NDEL1: variants seen among roughly 807,000 people sequenced by gnomAD.
The protein encoded by NDEL1 is nuclear distribution protein nudE-like 1.
NDEL1 carries 9 observed loss-of-function variants against 45.7 expected under a neutral mutation model. The ratio of observed to expected loss-of-function variants is 0.20; its 90% CI spans 0.12 to 0.34. The LOEUF (loss-of-function observed/expected upper bound fraction) is 0.34, where lower values mean the gene tolerates loss of function less well. Ranked by LOEUF, NDEL1 falls within the 10% of genes least tolerant of loss-of-function variation. NDEL1 has a pLI of 1.00. For missense variants in NDEL1, 306 were observed against 406.2 expected (o/e 0.75, Z 2.12); for synonymous variants, 133 against 158.6 (o/e 0.84, Z 1.21).
intron 1 of NDEL1, among the ~76,000 whole-genome samples, chr17:8,428,949 A>T (rs1305222491): frequency 2.0e-5 from 3 of 152,180 alleles, no homozygotes; most frequent in Non-Finnish European, 2.9e-5. Context: ...CTGGGATTAC[A>T]GGCATGAGCC....
At chr17:8,460,221 G>A (rs2151736594) in intron 8 of NDEL1, 61 bp downstream of exon 8, 2 of 1,532,806 alleles carry the variant, frequency 1.3e-6, no homozygotes, top group East Asian at 2.3e-5. Flanking sequence ...GTTAGTAAGT[G>A]AGCATAATGA....
intron 8 of NDEL1, among the ~76,000 whole-genome samples, chr17:8,460,964 G>A (rs1013930932): frequency 2.6e-5 from 4 of 151,990 alleles, no homozygotes; most frequent in African/African-American, 9.7e-5. Flanking sequence ...ATGGTAATAC[G>A]TGGTTGTATG....
intron 1 of NDEL1, among the ~76,000 whole-genome samples, chr17:8,429,295 A>G (rs1908945057): frequency 6.6e-6 from 1 of 152,328 alleles, no homozygotes; most frequent in African/African-American, 2.4e-5. Context: ...AGCATATTAA[A>G]TGAGTGTTTG....
At chr17:8,421,884 A>G (rs1908715938) in intron 1 of NDEL1, among the ~76,000 whole-genome samples, 1 of 152,172 alleles carries the variant, frequency 6.6e-6, no homozygotes, top group Non-Finnish European at 1.5e-5. Flanking sequence ...CTCCACCGGG[A>G]TGGTGCTTGG....
At chr17:8,452,740 C>CTTTTTTTTTTTTTTTTTTTTTCTTTT in intron 6 of NDEL1, among the ~76,000 whole-genome samples, 1 of 95,594 alleles carries the variant, frequency 1.0e-5, no homozygotes, top group Non-Finnish European at 2.0e-5. Flanking sequence ...TTTTTCTTCT[C>CTTTTTTTTTTTTTTTTTTTTTCTTTT]TTTTTTTTTT....
At chr17:8,423,685 AAAAC>A (rs536341797) in intron 1 of NDEL1, among the ~76,000 whole-genome samples, 2 of 152,164 alleles carry the variant, frequency 1.3e-5, no homozygotes, top group Admixed American at 6.5e-5. Flanking sequence ...CTCTGTCTCA[AAAAC>A]AAACAAACAA....
chr17:8,434,324 C>T (rs781232813), upstream of NDEL1, among the ~76,000 whole-genome samples: 1 of 152,212 alleles, frequency 6.6e-6, no homozygotes, highest in African/African-American at 2.4e-5. Flanking sequence ...TCGAGCGATT[C>T]TCCTGCCTCA....
intron 1 of NDEL1, among the ~76,000 whole-genome samples, chr17:8,414,214 T>A (rs1908489171): frequency 6.6e-6 from 1 of 152,218 alleles, no homozygotes; most frequent in Non-Finnish European, 1.5e-5. Flanking sequence ...GTGTTTCCAA[T>A]TTATTTCTAT....
intron 7 of NDEL1, among the ~76,000 whole-genome samples, chr17:8,459,638 C>G (rs1408309952): frequency 3.3e-5 from 5 of 152,084 alleles, no homozygotes; most frequent in Admixed American, 3.3e-4. Context: ...TGCTTGCTCC[C>G]AAAACACACC....
Position 8,467,048 on chromosome 17 carries a change from C to T in NDEL1, c.*25C>T. On this transcript the variant is annotated 3_prime_UTR_variant, in exon 9 of 9. Coordinates refer to ENST00000334527, the MANE Select transcript of NDEL1 (RefSeq NM_030808.5). This position sits in a 1 kb window ranked among gnomAD's most constrained non-coding sequence, Gnocchi z 6.3. ...AGTGCCTAGCCTCCAGGTGGGGGCT[C>T]CTGCCCTCCTCCAACAACCCAGGAC... The T allele has an allele frequency of 6.2e-7, 1 of 1,607,672 alleles. No individual in the cohort carries two copies.
chr17:8,436,097 C>G (rs1909313911), intron 1 of NDEL1, 52 bp downstream of exon 1: 4 of 328,222 alleles, frequency 1.2e-5, no homozygotes, highest in Non-Finnish European at 2.4e-5. Flanking sequence ...GGGCCGGCGG[C>G]GCCGAGGCCT....
At chr17:8,449,203 G>A (rs1174335315) in intron 5 of NDEL1, among the ~76,000 whole-genome samples, 2 of 152,132 alleles carry the variant, frequency 1.3e-5, no homozygotes, top group Admixed American at 1.3e-4. Context: ...GGCTGATCTC[G>A]AACTCCTGAC....
At chr17:8,425,654 T>C (rs1341777729) in intron 1 of NDEL1, among the ~76,000 whole-genome samples, 1 of 152,114 alleles carries the variant, frequency 6.6e-6, no homozygotes, top group African/African-American at 2.4e-5. Context: ...ATGCCAGGCA[T>C]TGGGGCCAGA....
At chr17:8,428,149 A>T (rs1306867168) in intron 1 of NDEL1, among the ~76,000 whole-genome samples, 1 of 152,110 alleles carries the variant, frequency 6.6e-6, no homozygotes, top group Non-Finnish European at 1.5e-5. Context: ...TTCCCTTTAG[A>T]ATATAAGCTA....
At chr17:8,470,366 GCTT>G (rs1567748695), downstream of NDEL1, among the ~76,000 whole-genome samples, 1 of 152,154 alleles carries the variant, frequency 6.6e-6, no homozygotes, top group African/African-American at 2.4e-5. The surrounding 1 kb of genome is among the most constrained non-coding windows in gnomAD (Gnocchi z 4.2). Flanking sequence ...GTGGTGGACA[GCTT>G]CTTGCCTCCA....
Position 8,448,582 on chromosome 17 carries a change from A to G in NDEL1, c.422A>G (p.Gln141Arg). ...ATIVSLEDFE[Q>R]RLNQAIERNA... The stretch of plus-strand genomic sequence containing the variant: ...ATAGTTTCACTGGAAGACTTTGAAC[A>G]AAGGCTAAACCAGGCCATTGAACGA... The change falls in exon 5 of 9, where the codon CAA becomes CGA. Residue 141 changes from glutamine (Q) to arginine (R), a missense_variant. Gln to Arg is a conservative substitution (Grantham distance 43). Around this residue, in one of 3 missense-constraint regions of NDEL1, gnomAD observed 19 missense variants for 52.7 expected, o/e 0.36. Transcript: ENST00000334527. 1 of 1,613,868 alleles carries G rather than the reference A, an allele frequency of 6.2e-7. No individual in the cohort carries two copies.
intron 8 of NDEL1, chr17:8,466,119 A>G (rs1488376679): frequency 6.6e-6 from 1 of 152,238 alleles, no homozygotes; most frequent in Non-Finnish European, 1.5e-5. Flanking sequence ...TCTCCACCTT[A>G]TTAAGATATT....
At chr17:8,460,193 T>G (rs1911110033) in intron 8 of NDEL1, 33 bp downstream of exon 8, 1 of 1,595,728 alleles carries the variant, frequency 6.3e-7, no homozygotes, top group South Asian at 1.1e-5. Flanking sequence ...GATAATTTTT[T>G]GAGTAGTAAA....
At chr17:8,441,539 A>G (rs1909734529) in intron 1 of NDEL1, among the ~76,000 whole-genome samples, 1 of 152,262 alleles carries the variant, frequency 6.6e-6, no homozygotes, top group South Asian at 2.1e-4. Flanking sequence ...TGAAATCATT[A>G]ACTTACAAAA....
Sources: gnomAD v4.1 joint callset for allele counts (sites outside exome capture counted in the v4.1 genomes callset) on GRCh38, gnomAD v4.1.1 for gene constraint, gnomAD v4.1.1 regional missense constraint, Gnocchi (gnomAD v3.1) non-coding constraint, MANE v1.5 for transcripts, NCBI Gene and HGNC (gene_info 2026-07-23, HGNC 2026-07-21) for gene names.